Variants in RTTN observed in about 807,000 individuals in gnomAD.
RTTN encodes rotatin.
A neutral mutation model predicts 269.2 loss-of-function variants in RTTN; 182 were observed. That is an observed-to-expected ratio of 0.68 (90% confidence interval 0.60 to 0.76). The LOEUF is 0.76. Ranked by LOEUF, RTTN falls within the 30% of genes least tolerant of loss-of-function variation. RTTN has a pLI of 0.00. For synonymous variants in RTTN, 1,006 were observed against 963.5 expected (o/e 1.04, Z -0.82); for missense variants, 2,545 against 2,608.6 (o/e 0.98, Z 0.53).
intron 5 of RTTN, among the ~76,000 whole-genome samples, chr18:70,198,659 C>G (rs1463121936): frequency 6.6e-6 from 1 of 152,176 alleles, no homozygotes; most frequent in East Asian, 1.9e-4. Flanking sequence ...TTGTGGGTAG[C>G]AATCAATTAA....
chr18:70,178,000 A>C (rs2061342637), intron 10 of RTTN, among the ~76,000 whole-genome samples: 1 of 152,256 alleles, frequency 6.6e-6, no homozygotes, highest in South Asian at 2.1e-4. Flanking sequence ...TAACAGCAGC[A>C]CTATTCACAA....
chr18:70,015,436 G>T (rs981231439), intron 46 of RTTN, among the ~76,000 whole-genome samples: 5 of 152,084 alleles, frequency 3.3e-5, no homozygotes, highest in African/African-American at 7.2e-5. Flanking sequence ...CAGATGTGTG[G>T]GTGCTACCGA....
chr18:70,127,023 G>A (rs2059882250), intron 25 of RTTN, among the ~76,000 whole-genome samples: 1 of 152,162 alleles, frequency 6.6e-6, no homozygotes, highest in South Asian at 2.1e-4. Flanking sequence ...TGACAAGCTA[G>A]AGCCTTCTCA....
intron 17 of RTTN, among the ~76,000 whole-genome samples, chr18:70,147,483 T>C (rs2060424935): frequency 1.3e-5 from 2 of 152,060 alleles, no homozygotes; most frequent in South Asian, 4.2e-4. Context: ...AAGGACAAAA[T>C]CACCTAACAA....
chr18:70,201,481 G>A (rs376870855), intron 4 of RTTN, among the ~76,000 whole-genome samples: 2,051 of 150,214 alleles, frequency 0.014, 18 homozygotes, highest in Non-Finnish European at 0.022. Context: ...AGTGGCGGGC[G>A]CCTGTAGTCC....
intron 9 of RTTN, among the ~76,000 whole-genome samples, chr18:70,189,170 CAT>C (rs1341381112): frequency 6.6e-6 from 1 of 152,170 alleles, no homozygotes; most frequent in African/African-American, 2.4e-5. Context: ...GACAGATAAA[CAT>C]ATGTACTTTA....
intron 34 of RTTN, among the ~76,000 whole-genome samples, chr18:70,072,528 T>A (rs1483787983): frequency 2.6e-5 from 4 of 152,108 alleles, no homozygotes; most frequent in African/African-American, 9.7e-5. Context: ...ATAGAGAAAT[T>A]CAAAAGGTTG....
Position 70,030,276 on chromosome 18 carries a change from G to T in RTTN, c.5648-167C>A, listed in dbSNP as rs1376244108. Among the ~76,000 whole-genome samples, 3 of 152,286 alleles carry T rather than the reference G, an allele frequency of 2.0e-5. No homozygotes were observed. In the East Asian group the frequency reaches 5.8e-4, roughly 29 times the overall value. On this transcript the variant is annotated intron_variant, in intron 41 of 48. Coordinates refer to ENST00000640769, the MANE Select transcript of RTTN (RefSeq NM_173630.4). Reference sequence around the variant, plus strand: ...TGAATCAGAGGGGGGATAAGTAAGAGAACTAAAATGCTGAAGTCCACTTGT... The same window carrying T: ...TGAATCAGAGGGGGGATAAGTAAGATAACTAAAATGCTGAAGTCCACTTGT...
rs285225 is a variant in RTTN, at chr18:70,045,386, T to A, written c.5541+2585A>T. Among the ~76,000 whole-genome samples, 17 of 152,320 alleles carry A rather than the reference T, an allele frequency of 1.1e-4. No individual in the cohort carries two copies. In the East Asian group the frequency reaches 3.3e-3, roughly 29 times the overall value. The stretch of plus-strand genomic sequence containing the variant: ...CATATCAAATGTTTTTTGAGTATGA[T>A]TTTACAGAAAACTTAGACCTTTGAA... On this transcript the variant is annotated intron_variant, in intron 40 of 48. Transcript: ENST00000640769.
chr18:70,187,513 A>G (rs1376538356), intron 10 of RTTN, among the ~76,000 whole-genome samples: 1 of 152,194 alleles, frequency 6.6e-6, no homozygotes, highest in African/African-American at 2.4e-5. Context: ...AATAGTGAAA[A>G]CAAACAAAAA....
At chr18:70,122,180 A>C (rs2059755522) in intron 25 of RTTN, among the ~76,000 whole-genome samples, 1 of 152,172 alleles carries the variant, frequency 6.6e-6, no homozygotes, top group Admixed American at 6.5e-5. Flanking sequence ...CAAGGAAAAC[A>C]CTGAAGGTAG....
intron 14 of RTTN, among the ~76,000 whole-genome samples, chr18:70,165,782 C>A (rs991846822): frequency 1.3e-5 from 2 of 151,964 alleles, no homozygotes; most frequent in African/African-American, 4.8e-5. Context: ...CTTTTGAATA[C>A]CTGGAAATCA....
intron 37 of RTTN, among the ~76,000 whole-genome samples, chr18:70,055,194 T>G (rs1318021783): frequency 6.6e-6 from 1 of 152,102 alleles, no homozygotes; most frequent in East Asian, 1.9e-4. Context: ...ATGTAACAAT[T>G]AAAGAATGAG....
intron 33 of RTTN, among the ~76,000 whole-genome samples, chr18:70,074,594 G>A (rs1486930362): frequency 6.6e-6 from 1 of 151,922 alleles, no homozygotes; most frequent in African/African-American, 2.4e-5. Flanking sequence ...GTGGCAAGAT[G>A]TAAATACTGT....
At chr18:70,022,353 G>A (rs1048049945) in intron 44 of RTTN, among the ~76,000 whole-genome samples, 3 of 151,926 alleles carry the variant, frequency 2.0e-5, no homozygotes, top group Non-Finnish European at 2.9e-5. Context: ...CCTTCCCTCC[G>A]CTTCTGTTGT....
chr18:70,013,171 G>A (rs1371411267), intron 46 of RTTN, among the ~76,000 whole-genome samples: 1 of 152,134 alleles, frequency 6.6e-6, no homozygotes, highest in Non-Finnish European at 1.5e-5. Context: ...TGAGGTTATG[G>A]CTGCAAGTGC....
At chr18:70,195,563 T>C (rs1019143802) in intron 7 of RTTN, among the ~76,000 whole-genome samples, 5 of 152,196 alleles carry the variant, frequency 3.3e-5, no homozygotes, top group African/African-American at 1.2e-4. Flanking sequence ...TCAAGCAAAC[T>C]TGATTGTTTA....
At chr18:70,015,581 T>C (rs1287550203) in intron 46 of RTTN, among the ~76,000 whole-genome samples, 1 of 152,178 alleles carries the variant, frequency 6.6e-6, no homozygotes, top group Non-Finnish European at 1.5e-5. Context: ...GCACAGCTGA[T>C]GTCTCTTATC....
rs1184072902 is a variant in RTTN at position 70,121,701 on chromosome 18, C to T, written c.3384-1G>A. 1 of 1,538,236 alleles carries T rather than the reference C, an allele frequency of 6.5e-7. No homozygotes were observed. The highest frequency in any genetic ancestry group is 8.7e-7 in the Non-Finnish European group (1 of 1,148,624). On this transcript the variant is annotated splice_acceptor_variant, in intron 25 of 48. Transcript: ENST00000640769. LOFTEE classifies it high-confidence loss of function. ...GCAAGCAGGAAGCACCTGTAAAAAC[C>T]TATAATGAAAAGACAATAATCATGG...
Sources: allele counts gnomAD v4.1 joint callset (sites outside exome capture counted in the v4.1 genomes callset), GRCh38; gene constraint gnomAD v4.1.1; transcripts MANE v1.5; gene names NCBI Gene and HGNC (gene_info 2026-07-23, HGNC 2026-07-21).